Variants in PLEKHG1 observed in about 807,000 individuals in gnomAD.
PLEKHG1 encodes pleckstrin homology and RhoGEF domain containing G1, also known as pleckstrin homology domain-containing family G member 1.
In PLEKHG1, 44 loss-of-function variants were observed where a neutral mutation model predicts 100.8. The observed-to-expected ratio is 0.44, with a 90% confidence interval of 0.34 to 0.56. The LOEUF is 0.56. Ranked by LOEUF, PLEKHG1 falls within the 20% of genes least tolerant of loss-of-function variation. PLEKHG1 has a pLI of 0.01. For missense variants in PLEKHG1, 1,545 were observed against 1,720.9 expected (o/e 0.90, Z 1.81); for synonymous variants, 640 against 662.5 (o/e 0.97, Z 0.52).
In PLEKHG1 at chr6:150,791,334, G is replaced by A. The variant is rs948072359; in HGVS notation, c.583-4522G>A. 3.9e-5 allele frequency among the ~76,000 whole-genome samples: 6 copies of A among 152,080 alleles called. No homozygotes were observed. The East Asian group carries it at 1.2e-3, about 29-fold the overall frequency. On this transcript the variant is annotated intron_variant, in intron 4 of 15. Coordinates refer to ENST00000358517, the Ensembl canonical transcript of PLEKHG1. ...AATTGATTACCAATGGAGGAATGGA[G>A]GGAACAGACTAGAAGGGAAAAGAAT...
At chr6:150,614,802 C>T (rs1776996674) in intron 1 of PLEKHG1, among the ~76,000 whole-genome samples, 1 of 152,206 alleles carries the variant, frequency 6.6e-6, no homozygotes, top group East Asian at 1.9e-4. Context: ...CTGGTCAGTG[C>T]ACCACCCTTC....
chr6:150,647,262 G>A (rs1487018327), intron 2 of PLEKHG1, among the ~76,000 whole-genome samples: 3 of 152,082 alleles, frequency 2.0e-5, no homozygotes, highest in Non-Finnish European at 4.4e-5. Context: ...ATTTTGTCCT[G>A]CATATAAAAA....
At position 150,629,427 on chromosome 6, in the gene PLEKHG1, CAT is replaced by C. The variant is rs760489513; in HGVS notation, c.-203-8652_-203-8651del. ...AATGATAAAATTAAAACCTTTAAGA[CAT>C]GTGACAAAGGAAAGGACAAAACCAA... On this transcript the variant is annotated intron_variant, in intron 1 of 3. Coordinates refer to the PLEKHG1 transcript ENST00000367326. 3.9e-5 allele frequency among the ~76,000 whole-genome samples: 6 copies of C among 151,934 alleles called. 1 individual carries two copies. Among genetic ancestry groups the C allele is most frequent in the Admixed American group, 6.6e-5 (1 of 15,266 alleles).
rs147707807 is a variant in PLEKHG1, at chr6:150,733,903, G to A, written c.222G>A (p.Thr74=). The A allele has an allele frequency of 1.9e-5, 30 of 1,614,060 alleles. No individual in the cohort carries two copies. The African/African-American group carries it at 3.1e-4, about 17-fold the overall frequency. ...AGCTGCAGAGGGACAACCCCGCCACGGGGCAACAGAACGCGGATGAGGGCA... is the reference window on the plus strand; with the variant it reads ...AGCTGCAGAGGGACAACCCCGCCACAGGGCAACAGAACGCGGATGAGGGCA... Residue 74 remains threonine (T), a synonymous_variant, in exon 2 of 16, where the codon ACG becomes ACA. Coordinates refer to ENST00000358517, the Ensembl canonical transcript of PLEKHG1.
chr6:150,617,496 A>G (rs563559760), intron 1 of PLEKHG1, among the ~76,000 whole-genome samples: 1 of 152,286 alleles, frequency 6.6e-6, no homozygotes, highest in Admixed American at 6.5e-5. Context: ...GTTTTTAATG[A>G]CCTCAAAAGT....
intron 2 of PLEKHG1, among the ~76,000 whole-genome samples, chr6:150,759,579 T>G (rs1244538646): frequency 6.6e-6 from 1 of 151,690 alleles, no homozygotes; most frequent in Non-Finnish European, 1.5e-5. Context: ...CTCAGGGGAG[T>G]GATGGAGCCT....
At chr6:150,706,968 C>CT (rs1244397188) in intron 3 of PLEKHG1, among the ~76,000 whole-genome samples, 2 of 38,980 alleles carry the variant, frequency 5.1e-5, no homozygotes, top group Admixed American at 2.6e-4. Context: ...GTTTCATTTT[C>CT]TTTTTTTCTT....
intron 1 of PLEKHG1, among the ~76,000 whole-genome samples, chr6:150,621,902 G>A (rs1166672613): frequency 2.6e-5 from 4 of 152,166 alleles, no homozygotes; most frequent in South Asian, 2.1e-4. Context: ...ACTTGAACAC[G>A]TTACAGTTCA....
chr6:150,607,663 A>G (rs1476767579), intron 1 of PLEKHG1, among the ~76,000 whole-genome samples: 1 of 152,212 alleles, frequency 6.6e-6, no homozygotes, highest in African/African-American at 2.4e-5. Context: ...GGGTGATATT[A>G]GAGGAGATGC....
chr6:150,725,721 G>C (rs1781928900), intron 1 of PLEKHG1, among the ~76,000 whole-genome samples: 1 of 149,880 alleles, frequency 6.7e-6, no homozygotes, highest in African/African-American at 2.5e-5. Context: ...AAAAATCATT[G>C]CCAAGACCAG....
In PLEKHG1 at chr6:150,809,358, CCTCTCTGCT is replaced by C; in HGVS notation, c.1096-11_1096-3del. 3.1e-6 allele frequency: 5 copies of C among 1,610,256 alleles called. No individual in the cohort carries two copies. The highest frequency in any genetic ancestry group is 4.2e-6 in the Non-Finnish European group (5 of 1,176,972). ...CTGTTCCCTCCTGAGTGTGCCTCAC[CCTCTCTGCT>C]CTCTCTGCTCTAGTGTGGCAACCTC... is the stretch of plus-strand genomic sequence containing the variant. On this transcript the variant is annotated splice_polypyrimidine_tract_variant and intron_variant, in intron 8 of 15. Coordinates refer to ENST00000358517, the Ensembl canonical transcript of PLEKHG1.
intron 6 of PLEKHG1, 69 bp downstream of exon 7, chr6:150,800,938 G>A: frequency 7.6e-7 from 1 of 1,309,456 alleles, no homozygotes; most frequent in Non-Finnish European, 1.1e-6. Context: ...TAAGTTTGGT[G>A]GAAAATACCA....
Position 150,742,471 on chromosome 6 carries a change from G to A in PLEKHG1, c.411+8379G>A, listed in dbSNP as rs1322670800. 6.0e-5 allele frequency among the ~76,000 whole-genome samples: 9 copies of A among 150,680 alleles called. No homozygotes were observed. The Admixed American group carries it at 6.0e-4, about 10-fold the overall frequency. ...TCCCAGCTACTGGGGAGACTGAGGC[G>A]GGAGAATCAGTTGAACCTGGGAGGC... On this transcript the variant is annotated intron_variant, in intron 2 of 15. Coordinates refer to ENST00000358517, the Ensembl canonical transcript of PLEKHG1.
At chr6:150,662,122 G>C (rs1432157751) in intron 3 of PLEKHG1, among the ~76,000 whole-genome samples, 1 of 152,156 alleles carries the variant, frequency 6.6e-6, no homozygotes, top group African/African-American at 2.4e-5. Flanking sequence ...AATGTGGATA[G>C]TGTTAGGTTG....
intron 2 of PLEKHG1, among the ~76,000 whole-genome samples, chr6:150,762,021 A>G (rs761341583): frequency 2.6e-5 from 4 of 152,080 alleles, no homozygotes; most frequent in Non-Finnish European, 4.4e-5. Flanking sequence ...TTTTTTACCA[A>G]TGGTTTATGT....
In PLEKHG1 at chr6:150,613,393, T is replaced by TAAAAGAG. The variant is rs1776932019; in HGVS notation, c.-204+13376_-204+13377insAAAAGAG. On this transcript the variant is annotated intron_variant, in intron 1 of 3. Coordinates refer to the PLEKHG1 transcript ENST00000367326. ...CATCTGCTTAGTGAAAACAGAGACT[T>TAAAAGAG]TGTGTGGCTATGATATTTCCAGTGC... Among the ~76,000 whole-genome samples the TAAAAGAG allele has an allele frequency of 2.0e-5, 3 of 147,722 alleles. No homozygotes were observed. The Admixed American group carries it at 2.0e-4, about 10-fold the overall frequency.
chr6:150,787,645 A>G (rs760686419), intron 4 of PLEKHG1, among the ~76,000 whole-genome samples: 14 of 152,258 alleles, frequency 9.2e-5, no homozygotes, highest in Non-Finnish European at 1.3e-4. Flanking sequence ...ATGTCGCTCC[A>G]GTCTGACCTG....
intron 3 of PLEKHG1, among the ~76,000 whole-genome samples, chr6:150,661,290 A>T (rs1181421688): frequency 6.6e-6 from 1 of 152,260 alleles, no homozygotes; most frequent in East Asian, 1.9e-4. Flanking sequence ...AAAGTTTTTA[A>T]GAATATTTGA....
rs113094634 is a variant in PLEKHG1, at chr6:150,637,322, A to G, written c.-203-758A>G. Among the ~76,000 whole-genome samples the G allele has an allele frequency of 6.7e-3, 1,012 of 151,798 alleles. 16 individuals are homozygous for G. Among genetic ancestry groups the G allele is most frequent in the African/African-American group, 0.023 (954 of 41,398 alleles). Reference sequence around the variant, plus strand: ...ATTTTCCCAGTAGCTTCACTTCTTTATAGACATTTCTCTGCTTTGGGGTTA... The same window carrying G: ...ATTTTCCCAGTAGCTTCACTTCTTTGTAGACATTTCTCTGCTTTGGGGTTA... On this transcript the variant is annotated intron_variant, in intron 1 of 3. Coordinates refer to the PLEKHG1 transcript ENST00000367326.
Sources: gnomAD v4.1 joint callset for allele counts (sites outside exome capture counted in the v4.1 genomes callset) on GRCh38, gnomAD v4.1.1 for gene constraint, MANE v1.5 for transcripts, NCBI Gene and HGNC (gene_info 2026-07-23, HGNC 2026-07-21) for gene names.